The following MATCAP2 variants were observed in gnomAD, a reference collection of about 807,000 sequenced individuals.
MATCAP2 encodes the protein putative tyrosine carboxypeptidase MATCAP2.
the MATCAP2 span, among the ~76,000 whole-genome samples, chr7:36,370,513 T>C: frequency 1.3e-5 from 2 of 152,154 alleles, no homozygotes; most frequent in African/African-American, 2.4e-5. Flanking sequence ...AGTTTCGCTC[T>C]TTTTTTTGCT....
At chr7:36,376,621 G>A in the MATCAP2 span, among the ~76,000 whole-genome samples, 1 of 152,166 alleles carries the variant, frequency 6.6e-6, no homozygotes. Flanking sequence ...TTGGTGCAGA[G>A]TTGAGTTCAA....
At chr7:36,327,558 A>G in the MATCAP2 span, among the ~76,000 whole-genome samples, 1 of 152,364 alleles carries the variant, frequency 6.6e-6, no homozygotes, top group East Asian at 1.9e-4. Context: ...AAAACCAAAC[A>G]AGTCTTCTGG....
the MATCAP2 span, among the ~76,000 whole-genome samples, chr7:36,379,847 C>CACACACAGAG: frequency 2.1e-4 from 23 of 107,698 alleles, no homozygotes; most frequent in African/African-American, 8.8e-4. Flanking sequence ...CACACACACA[C>CACACACAGAG]AGAGAGAGAG....
At chr7:36,331,117 A>G in the MATCAP2 span, 1 of 1,308,938 alleles carries the variant, frequency 7.6e-7, no homozygotes, top group South Asian at 1.2e-5. Flanking sequence ...TCTGATGTTC[A>G]GAAAAATTAC....
chr7:36,326,135 C>A, the MATCAP2 span: 1 of 151,740 alleles, frequency 6.6e-6, no homozygotes, highest in African/African-American at 2.4e-5. Flanking sequence ...GATAACCGGA[C>A]AAAAAGAGGT....
At chr7:36,361,143 A>G in the MATCAP2 span, among the ~76,000 whole-genome samples, 2 of 152,362 alleles carry the variant, frequency 1.3e-5, no homozygotes, top group African/African-American at 4.8e-5. Flanking sequence ...ATGAAAACTT[A>G]GTATATATCT....
chr7:36,357,487 C>T, the MATCAP2 span: 10 of 1,613,962 alleles, frequency 6.2e-6, no homozygotes, highest in East Asian at 8.9e-5. Flanking sequence ...TTAGCACTCC[C>T]GAGGACAAAT....
At chr7:36,355,108 A>G in the MATCAP2 span, 1 of 152,226 alleles carries the variant, frequency 6.6e-6, no homozygotes, top group Non-Finnish European at 1.5e-5. Flanking sequence ...TGTAAAATTT[A>G]TATTTGTGAA....
chr7:36,387,923 CT>C, the MATCAP2 span, among the ~76,000 whole-genome samples: 52 of 152,260 alleles, frequency 3.4e-4, no homozygotes, highest in African/African-American at 1.2e-3. Flanking sequence ...ACACACCTTT[CT>C]TGTCACACTT....
the MATCAP2 span, among the ~76,000 whole-genome samples, chr7:36,365,502 C>A: frequency 6.6e-6 from 1 of 152,188 alleles, no homozygotes; most frequent in South Asian, 2.1e-4. Context: ...GAGTTCCAGA[C>A]CAGCCTGGCC....
chr7:36,336,823 G>A, the MATCAP2 span, among the ~76,000 whole-genome samples: 1 of 151,842 alleles, frequency 6.6e-6, no homozygotes, highest in Non-Finnish European at 1.5e-5. Context: ...GGCCAGGCAT[G>A]GTGGCTCATG....
the MATCAP2 span, among the ~76,000 whole-genome samples, chr7:36,358,779 G>A: frequency 6.6e-6 from 1 of 152,182 alleles, no homozygotes; most frequent in African/African-American, 2.4e-5. Flanking sequence ...ATCTGGCTCT[G>A]AAGACAAGGC....
the MATCAP2 span, among the ~76,000 whole-genome samples, chr7:36,361,871 TCAGA>T: frequency 2.6e-5 from 4 of 152,238 alleles, no homozygotes; most frequent in Admixed American, 2.6e-4. Context: ...TGGATGTATC[TCAGA>T]CAATGTTGAG....
chr7:36,357,461 G>C, the MATCAP2 span: 1 of 1,614,036 alleles, frequency 6.2e-7, no homozygotes, highest in Non-Finnish European at 8.5e-7. Flanking sequence ...ACTGGTTCCA[G>C]TTGTGAAAAT....
the MATCAP2 span, chr7:36,356,434 G>C: frequency 5.6e-6 from 1 of 178,064 alleles, no homozygotes; most frequent in Non-Finnish European, 1.2e-5. Context: ...AGAATCACTT[G>C]AACCCAGAAG....
the MATCAP2 span, among the ~76,000 whole-genome samples, chr7:36,352,407 A>AG: frequency 6.6e-6 from 1 of 151,520 alleles, no homozygotes; most frequent in African/African-American, 2.4e-5. Flanking sequence ...AAAAAAAAAA[A>AG]AAAAAAAAAA....
chr7:36,373,633 T>TG, the MATCAP2 span, among the ~76,000 whole-genome samples: 1 of 151,996 alleles, frequency 6.6e-6, no homozygotes, highest in Admixed American at 6.6e-5. Context: ...TTTGTAGAGA[T>TG]GGGGGTCTCA....
the MATCAP2 span, among the ~76,000 whole-genome samples, chr7:36,375,159 G>A: frequency 1.3e-5 from 2 of 152,190 alleles, no homozygotes; most frequent in Non-Finnish European, 2.9e-5. Flanking sequence ...CCCACCAACA[G>A]TGTAAAAGCG....
At chr7:36,366,921 A>T in the MATCAP2 span, 2 of 1,437,800 alleles carry the variant, frequency 1.4e-6, no homozygotes, top group Non-Finnish European at 1.8e-6. Context: ...CTCACCCGTC[A>T]CGCGAATGGA....
Sources: allele counts gnomAD v4.1 joint callset (sites outside exome capture counted in the v4.1 genomes callset), GRCh38; gene constraint gnomAD v4.1.1; transcripts MANE v1.5; gene names NCBI Gene and HGNC (gene_info 2026-07-23, HGNC 2026-07-21).